Variants in DNAH11 observed in about 807,000 individuals in gnomAD.
DNAH11 encodes dynein axonemal heavy chain 11.
DNAH11 carries 442 observed loss-of-function variants against 526.0 expected under a neutral mutation model. That is an observed-to-expected ratio of 0.84 (90% CI 0.78 to 0.91). The LOEUF is 0.91. Ranked by LOEUF, DNAH11 falls within the 40% of genes least tolerant of loss-of-function variation. The pLI, the probability that DNAH11 is intolerant of heterozygous loss-of-function variation, is 0.00. For synonymous variants in DNAH11, 2,461 were observed against 1,935.9 expected, an observed-to-expected ratio of 1.27 and a Z score of -7.12; for missense variants, 6,989 against 5,448.7, an observed-to-expected ratio of 1.28 and a Z score of -8.90.
Position 21,875,888 on chromosome 7 carries a change from T to C in DNAH11, c.12195+2387T>C, listed in dbSNP as rs1191361835. Among the ~76,000 whole-genome samples, 3 of 141,716 alleles carry C rather than the reference T, an allele frequency of 2.1e-5. No homozygotes were observed. The East Asian group carries it at 6.0e-4, about 28-fold the overall frequency. The allele number at this position is 141,716 out of a possible 152,430, so 93.0% of individuals were successfully genotyped here. A position where few individuals can be genotyped will look rare whatever the true frequency, so the allele number is the denominator to read the frequency against. ...AAGGAAGAATATTTCTTTTTTTTTT[T>C]TTTTTTTTTTTTTGAGACAGAGTCT... is the stretch of plus-strand genomic sequence containing the variant. On this transcript the variant is annotated intron_variant, in intron 74 of 81. Transcript: ENST00000409508.
At chr7:21,590,566 T>G (rs961489148) in intron 12 of DNAH11, among the ~76,000 whole-genome samples, 1 of 152,196 alleles carries the variant, frequency 6.6e-6, no homozygotes, top group Admixed American at 6.5e-5. Flanking sequence ...TCTGATCTGT[T>G]TCCCTAAAAT....
intron 61 of DNAH11, among the ~76,000 whole-genome samples, chr7:21,793,010 T>G (rs901717213): frequency 3.3e-5 from 5 of 152,206 alleles, no homozygotes; most frequent in African/African-American, 9.6e-5. Flanking sequence ...GCATTTGATG[T>G]ATTGCTGTAA....
intron 65 of DNAH11, among the ~76,000 whole-genome samples, chr7:21,833,330 C>G (rs2128010097): frequency 6.6e-6 from 1 of 152,230 alleles, no homozygotes; most frequent in South Asian, 2.1e-4. Flanking sequence ...TGGTGACACA[C>G]TGGAATTTCT....
intron 65 of DNAH11, among the ~76,000 whole-genome samples, chr7:21,829,448 C>T (rs551827723): frequency 3.3e-5 from 5 of 152,106 alleles, no homozygotes; most frequent in Non-Finnish European, 7.4e-5. Flanking sequence ...GCAGGTTTTG[C>T]AAATCTTTTG....
At chr7:21,705,567 T>A in intron 39 of DNAH11, 30 bp downstream of exon 39, 1 of 1,602,512 alleles carries the variant, frequency 6.2e-7, no homozygotes, top group Non-Finnish European at 8.5e-7. Flanking sequence ...AGCTTACAGC[T>A]ATGGAAAGAA....
Position 21,617,682 on chromosome 7 carries a change from G to A in DNAH11, c.4159G>A (p.Val1387Ile), listed in dbSNP as rs140876382. ...WDAYTGLEGT[V>I]KDMTASLRAI... ...TGCTTACACGGGCCTGGAAGGCACA[G>A]TTAAGGACATGACAGCCTCCCTGAG... Residue 1387 changes from valine to isoleucine, a missense_variant, in exon 23 of 82, where the codon GTT becomes ATT. Coordinates refer to ENST00000409508, the MANE Select transcript of DNAH11 (RefSeq NM_001277115.2). 6.8e-6 allele frequency: 11 copies of A among 1,613,898 alleles called. No individual in the cohort carries two copies. In the African/African-American group the frequency reaches 1.2e-4, roughly 18 times the overall value.
Position 21,588,213 on chromosome 7 carries a change from A to G in DNAH11, c.1848+12A>G. ...AACACATGAAACAGGTAAGTGGTGG[A>G]TAAGGTTGGACACATTTACAATATC... is the stretch of plus-strand genomic sequence containing the variant. On this transcript the variant is annotated intron_variant, in intron 10 of 81. Coordinates refer to ENST00000409508, the MANE Select transcript of DNAH11 (RefSeq NM_001277115.2). The G allele has an allele frequency of 6.2e-7, 1 of 1,607,776 alleles. No homozygotes were observed. The highest frequency in any genetic ancestry group is 1.1e-5 in the South Asian group (1 of 89,406).
At chr7:21,851,144 A>T in intron 66 of DNAH11, 1 of 160,676 alleles carries the variant, frequency 6.2e-6, no homozygotes, top group Non-Finnish European at 1.4e-5. Context: ...TGTGGCAGGG[A>T]CCCAGTGGGA....
chr7:21,557,075 A>AT (rs1783249376), intron 2 of DNAH11, among the ~76,000 whole-genome samples: 1 of 151,550 alleles, frequency 6.6e-6, no homozygotes, highest in African/African-American at 2.4e-5. Flanking sequence ...AAAAAAAAAA[A>AT]GTGAGAACAT....
At chr7:21,808,730 C>A (rs1053973766) in intron 63 of DNAH11, among the ~76,000 whole-genome samples, 1 of 152,190 alleles carries the variant, frequency 6.6e-6, no homozygotes, top group East Asian at 1.9e-4. Context: ...GTTTTTATGG[C>A]TGAATAGTAT....
At position 21,807,808 on chromosome 7, in the gene DNAH11, G is replaced by T. The variant is rs150884340; in HGVS notation, c.10166-75G>T. 2.9e-4 allele frequency: 420 copies of T among 1,440,666 alleles called. 1 individual carries two copies. In the African/African-American group the frequency reaches 5.2e-3, roughly 18 times the overall value. The allele number at this position is 1,440,666 out of a possible 1,614,324, so 89.2% of individuals were successfully genotyped here. On this transcript the variant is annotated intron_variant, in intron 62 of 81. Coordinates refer to ENST00000409508, the MANE Select transcript of DNAH11 (RefSeq NM_001277115.2). ...TGGAAGGACGTAAACCTTGCCATAA[G>T]GTAATTGCATTAAGCATTTGTGGAG...
chr7:21,767,421 A>G (rs1323710962), intron 55 of DNAH11, among the ~76,000 whole-genome samples: 1 of 152,112 alleles, frequency 6.6e-6, no homozygotes, highest in African/African-American at 2.4e-5. Context: ...GCCACTTTGA[A>G]AACAGCTAAA....
chr7:21,673,181 C>G (rs117522769), intron 30 of DNAH11, among the ~76,000 whole-genome samples: 1,598 of 152,248 alleles, frequency 0.01, 12 homozygotes, highest in Non-Finnish European at 0.016. Flanking sequence ...GAGGCCAGCT[C>G]TTGCCTGGTC....
At position 21,900,117 on chromosome 7, in the gene DNAH11, G is replaced by T; in HGVS notation, c.13300G>T (p.Glu4434Ter). The T allele has an allele frequency of 1.2e-6, 2 of 1,612,614 alleles. No homozygotes were observed. The highest frequency in any genetic ancestry group is 1.7e-6 in the Non-Finnish European group (2 of 1,179,148). ...TGCATACCTCCACGGACTCTTCATGGAGGGTAAGACACCCCAAGGGGTAAG... is the reference window on the plus strand; with the variant it reads ...TGCATACCTCCACGGACTCTTCATGTAGGGTAAGACACCCCAAGGGGTAAG... Reference protein sequence around the residue: ...EGAYLHGLFMEGARWDTQAGT... With the variant: ...EGAYLHGLFM Residue 4434 changes from glutamate (E) to a stop codon, truncating the protein, a stop_gained, in exon 81 of 82, where the codon GAG (glutamate) becomes TAG (stop). Coordinates refer to ENST00000409508, the MANE Select transcript of DNAH11 (RefSeq NM_001277115.2). LOFTEE classifies it high-confidence loss of function.
intron 2 of DNAH11, among the ~76,000 whole-genome samples, chr7:21,546,917 C>A (rs1782824630): frequency 6.6e-6 from 1 of 152,072 alleles, no homozygotes. Flanking sequence ...AAGAGAAACC[C>A]CACAGTTTGA....
intron 30 of DNAH11, among the ~76,000 whole-genome samples, chr7:21,672,044 G>C (rs1337116418): frequency 6.6e-6 from 1 of 152,162 alleles, no homozygotes; most frequent in Non-Finnish European, 1.5e-5. Flanking sequence ...ATGGGACTTG[G>C]TCTCTTTGTC....
chr7:21,847,831 T>C (rs987048319), intron 66 of DNAH11, among the ~76,000 whole-genome samples: 3 of 152,164 alleles, frequency 2.0e-5, no homozygotes, highest in South Asian at 4.1e-4. Flanking sequence ...TTGCCTTCTG[T>C]ATTTTGACAC....
chr7:21,568,713 G>T (rs541093140), intron 6 of DNAH11, among the ~76,000 whole-genome samples: 51 of 152,272 alleles, frequency 3.3e-4, no homozygotes, highest in African/African-American at 1.0e-3. Context: ...TTGTCCTAGG[G>T]ATGTTACTTT....
chr7:21,704,509 G>T lies in DNAH11; in HGVS notation c.6349G>T (p.Val2117Phe). 1.9e-6 allele frequency: 3 copies of T among 1,613,836 alleles called. No individual in the cohort carries two copies. The highest frequency in any genetic ancestry group is 2.5e-6 in the Non-Finnish European group (3 of 1,179,854). Residue 2117 changes from valine (V) to phenylalanine (F), a missense_variant, in exon 38 of 82, where the codon GTC becomes TTC. Coordinates refer to ENST00000409508, the MANE Select transcript of DNAH11 (RefSeq NM_001277115.2). ...CGACATCCCAGTGTTTCTGGGCCTG[G>T]TCGGTGACCTGTTTCCAGCCCTGGA... ...TDDIPVFLGL[V>F]GDLFPALDVP...
Sources: gnomAD v4.1 joint callset for allele counts (sites outside exome capture counted in the v4.1 genomes callset) on GRCh38, gnomAD v4.1.1 for gene constraint, MANE v1.5 for transcripts, NCBI Gene and HGNC (gene_info 2026-07-23, HGNC 2026-07-21) for gene names.